Variants in HERPUD2 observed in about 807,000 individuals in gnomAD.
HERPUD2 encodes homocysteine-responsive endoplasmic reticulum-resident ubiquitin-like domain member 2 protein.
HERPUD2 carries 13 observed loss-of-function variants against 49.9 expected under a neutral mutation model. The observed-to-expected ratio is 0.26, with a 90% CI of 0.17 to 0.41. HERPUD2 has a LOEUF of 0.41. Ranked by LOEUF, HERPUD2 falls within the 10% of genes least tolerant of loss-of-function variation. HERPUD2 has a pLI of 1.00. For synonymous variants in HERPUD2, 172 were observed against 171.4 expected (o/e 1.00, Z -0.03); for missense variants, 449 against 492.2 (o/e 0.91, Z 0.83).
At chr7:35,642,770 A>C (rs1784986404) in intron 5 of HERPUD2, among the ~76,000 whole-genome samples, 1 of 152,204 alleles carries the variant, frequency 6.6e-6, no homozygotes, top group Non-Finnish European at 1.5e-5. Flanking sequence ...ACACATGGAC[A>C]CAAAGAGGAG....
intron 2 of HERPUD2, among the ~76,000 whole-genome samples, chr7:35,674,488 T>C (rs979468774): frequency 6.9e-6 from 1 of 145,432 alleles, no homozygotes; most frequent in African/African-American, 2.6e-5. Context: ...TCGTAAAATG[T>C]ATAAAATGTA....
At chr7:35,684,481 C>T (rs536146596) in intron 2 of HERPUD2, among the ~76,000 whole-genome samples, 1 of 151,632 alleles carries the variant, frequency 6.6e-6, no homozygotes, top group East Asian at 1.9e-4. Flanking sequence ...AACCCAAATG[C>T]CCATCAATCA....
chr7:35,670,890 A>G (rs1785629423), intron 3 of HERPUD2, among the ~76,000 whole-genome samples: 1 of 152,142 alleles, frequency 6.6e-6, no homozygotes, highest in Non-Finnish European at 1.5e-5. Flanking sequence ...ACCTAGAAAT[A>G]TGACTGAAGA....
At chr7:35,641,264 T>C (rs1187949587) in intron 5 of HERPUD2, among the ~76,000 whole-genome samples, 1 of 152,190 alleles carries the variant, frequency 6.6e-6, no homozygotes, top group Non-Finnish European at 1.5e-5. Flanking sequence ...TGATTGCTAG[T>C]GGCAGTATAA....
At chr7:35,686,718 C>CA (rs1355835861) in intron 2 of HERPUD2, among the ~76,000 whole-genome samples, 1,055 of 3,638 alleles carry the variant, frequency 0.29, 276 homozygotes, top group Non-Finnish European at 0.39. Context: ...CACTCCGTCT[C>CA]AAAAAAAAAA....
intron 5 of HERPUD2, among the ~76,000 whole-genome samples, chr7:35,645,098 T>C (rs1268690275): frequency 1.3e-5 from 2 of 152,204 alleles, no homozygotes; most frequent in Admixed American, 1.3e-4. Context: ...AGTTTGCTGA[T>C]TGTTGAAGTT....
rs1562690047 is a variant in HERPUD2, at chr7:35,690,334, C to T, written c.147+3850G>A. Among the ~76,000 whole-genome samples, 6 of 152,312 alleles carry T rather than the reference C, an allele frequency of 3.9e-5. 1 individual carries two copies. In the Middle Eastern group the frequency reaches 0.014, roughly 345 times the overall value. The stretch of plus-strand genomic sequence containing the variant: ...CTCCAAAACAGCTCAACTCCACATC[C>T]GAGGTTTTTAATTATGACTTTGTGA... On this transcript the variant is annotated intron_variant, in intron 2 of 8. Coordinates refer to ENST00000311350, the MANE Select transcript of HERPUD2 (RefSeq NM_022373.5).
chr7:35,659,967 C>G (rs1414574758), intron 5 of HERPUD2, among the ~76,000 whole-genome samples: 6 of 151,574 alleles, frequency 4.0e-5, no homozygotes, highest in African/African-American at 1.5e-4. Context: ...CCATGTTGGT[C>G]TGCTGCACCC....
intron 2 of HERPUD2, among the ~76,000 whole-genome samples, chr7:35,681,649 G>A (rs1785894355): frequency 6.6e-6 from 1 of 152,070 alleles, no homozygotes; most frequent in Non-Finnish European, 1.5e-5. Context: ...ATATTATTCA[G>A]CCACAAAAAG....
chr7:35,660,270 T>TC (rs1273740064), intron 5 of HERPUD2, among the ~76,000 whole-genome samples: 15 of 152,234 alleles, frequency 9.9e-5, no homozygotes, highest in African/African-American at 3.6e-4. Context: ...CTTAATCCAG[T>TC]CTATCATTGA....
At chr7:35,684,071 G>A (rs1785975936) in intron 2 of HERPUD2, among the ~76,000 whole-genome samples, 1 of 152,122 alleles carries the variant, frequency 6.6e-6, no homozygotes, top group Admixed American at 6.6e-5. Flanking sequence ...TCTACCCAGA[G>A]GAAAAGAAGT....
rs564021066 is a variant in HERPUD2 at position 35,649,168 on chromosome 7, G to A, written c.495-10696C>T. Among the ~76,000 whole-genome samples, 15 of 151,806 alleles carry A rather than the reference G, an allele frequency of 9.9e-5. No individual in the cohort carries two copies. In the South Asian group the frequency reaches 2.1e-3, roughly 21 times the overall value. ...TGGGAGGCTAAGGCAGGAGAATGGC[G>A]TGAACCTGGGAGGCAGAGCTTGCAG... On this transcript the variant is annotated intron_variant, in intron 5 of 8. Coordinates refer to ENST00000311350, the MANE Select transcript of HERPUD2 (RefSeq NM_022373.5).
At chr7:35,641,723 A>G (rs1210219804) in intron 5 of HERPUD2, among the ~76,000 whole-genome samples, 2 of 152,168 alleles carry the variant, frequency 1.3e-5, no homozygotes, top group African/African-American at 4.8e-5. Flanking sequence ...TGGGAAAACT[A>G]TTCAATAAAT....
In HERPUD2 at chr7:35,661,516, T is replaced by C. The variant is rs1467723077; in HGVS notation, c.494+5918A>G. 6.6e-5 allele frequency among the ~76,000 whole-genome samples: 10 copies of C among 152,250 alleles called. No homozygotes were observed. In the East Asian group the frequency reaches 9.6e-4, roughly 15 times the overall value. On this transcript the variant is annotated intron_variant, in intron 5 of 8. Coordinates refer to ENST00000311350, the MANE Select transcript of HERPUD2 (RefSeq NM_022373.5). ...TCTTCCTATCCATGAGCATGGAATG[T>C]TCTTCCATTTGTTTGTGTCCTCTTT...
chr7:35,656,492 G>A (rs544945908), intron 5 of HERPUD2, among the ~76,000 whole-genome samples: 121 of 152,090 alleles, frequency 8.0e-4, no homozygotes, highest in Non-Finnish European at 1.3e-3. Flanking sequence ...AACAAAAAAA[G>A]AGCCTGAACA....
intron 2 of HERPUD2, among the ~76,000 whole-genome samples, chr7:35,684,846 G>C (rs995244890): frequency 6.6e-6 from 1 of 152,028 alleles, no homozygotes; most frequent in Non-Finnish European, 1.5e-5. Context: ...CACCACTAAA[G>C]AACTTACTCA....
chr7:35,692,144 G>A (rs11971099), intron 2 of HERPUD2, among the ~76,000 whole-genome samples: 2,113 of 152,300 alleles, frequency 0.014, 50 homozygotes, highest in African/African-American at 0.047. Flanking sequence ...CAGGCAGTTT[G>A]GGAAGGAGTT....
chr7:35,665,897 T>C (rs544647677), intron 5 of HERPUD2, among the ~76,000 whole-genome samples: 1 of 152,348 alleles, frequency 6.6e-6, no homozygotes, highest in East Asian at 1.9e-4. Flanking sequence ...TCTTATAAGC[T>C]TGATTTGTTT....
intron 2 of HERPUD2, among the ~76,000 whole-genome samples, chr7:35,685,887 G>A (rs1048797775): frequency 2.0e-5 from 3 of 151,912 alleles, no homozygotes; most frequent in African/African-American, 7.2e-5. Flanking sequence ...CTTGAACCTG[G>A]GAGGCGGAGG....
Sources: gnomAD v4.1 joint callset for allele counts (sites outside exome capture counted in the v4.1 genomes callset) on GRCh38, gnomAD v4.1.1 for gene constraint, MANE v1.5 for transcripts, NCBI Gene and HGNC (gene_info 2026-07-23, HGNC 2026-07-21) for gene names.